UNC13A: variants seen among roughly 807,000 people sequenced by gnomAD.
The protein encoded by UNC13A is unc-13 homolog A.
A neutral mutation model predicts 219.7 loss-of-function variants in UNC13A; 61 were observed. The observed-to-expected ratio is 0.28, with a 90% CI of 0.23 to 0.34. The LOEUF is 0.34. UNC13A is among the 10% of genes least tolerant of loss of function. UNC13A has a pLI of 1.00. For synonymous variants in UNC13A, 920 were observed against 884.6 expected, an observed-to-expected ratio of 1.04 and a Z score of -0.71; for missense variants, 1,476 against 2,270.3, an observed-to-expected ratio of 0.65 and a Z score of 7.11.
intron 7 of UNC13A, among the ~76,000 whole-genome samples, chr19:17,666,203 T>TTCTC (rs1568267762): frequency 4.0e-3 from 37 of 9,298 alleles, no homozygotes; most frequent in African/African-American, 0.035. Context: ...CTCTCTTTCT[T>TTCTC]TCTCTTTCTT....
intron 37 of UNC13A, 145 bp downstream of exon 37, chr19:17,621,687 G>A: frequency 5.4e-6 from 4 of 739,120 alleles, no homozygotes; most frequent in Non-Finnish European, 9.4e-6. Context: ...TCTGACTTCT[G>A]GTTTTGCAGG....
chr19:17,667,053 A>G lies in UNC13A; in HGVS notation c.469-349T>C, dbSNP rs567193480. On this transcript the variant is annotated intron_variant, in intron 6 of 43. Transcript: ENST00000519716. The stretch of plus-strand genomic sequence containing the variant: ...CAGATCACGAGGTCAAGAGATCGAG[A>G]CCATCCTAGCTAAACGGTGAAACCC... 1.9e-4 allele frequency among the ~76,000 whole-genome samples: 29 copies of G among 152,254 alleles called. No individual in the cohort carries two copies. In the East Asian group the frequency reaches 5.6e-3, roughly 29 times the overall value.
rs550740166 is a variant in UNC13A at position 17,663,590 on chromosome 19, T to C, written c.524-23A>G. On this transcript the variant is annotated intron_variant, in intron 7 of 43. Coordinates refer to ENST00000519716, the MANE Select transcript of UNC13A (RefSeq NM_001080421.3). The stretch of plus-strand genomic sequence containing the variant: ...TGCCTACAAAGAGAAGGGGCAGAAA[T>C]AATAAAAGGGAGCAGACAGAGGGGT... 9 of 1,602,706 alleles carry C rather than the reference T, an allele frequency of 5.6e-6. No homozygotes were observed. The East Asian group carries it at 9.0e-5, about 16-fold the overall frequency.
intron 1 of UNC13A, among the ~76,000 whole-genome samples, chr19:17,678,950 T>C (rs973136214): frequency 1.6e-4 from 24 of 151,076 alleles, no homozygotes; most frequent in African/African-American, 5.6e-4. Flanking sequence ...TGGAGAGAAA[T>C]AGAGAGACAC....
At chr19:17,681,898 A>C (rs1310099852) in intron 1 of UNC13A, among the ~76,000 whole-genome samples, 1 of 152,008 alleles carries the variant, frequency 6.6e-6, no homozygotes, top group Non-Finnish European at 1.5e-5. Flanking sequence ...TCCTGCACTC[A>C]GAACCGCCTT....
chr19:17,601,902 C>T lies in UNC13A; in HGVS notation c.*4152G>A, dbSNP rs3746199. The T allele has an allele frequency of 0.098, 14,896 of 152,590 alleles. 772 individuals are homozygous for T. Among genetic ancestry groups the T allele is most frequent in the South Asian group, 0.15 (720 of 4,816 alleles). 9.5% of individuals were successfully genotyped at this position (152,590 alleles called of 1,614,324 possible). ...TTAGGAAAGGATTCTGGGGAGCAGA[C>T]GGGGTTGTGATCCGGGACTAAGGCC... On this transcript the variant is annotated 3_prime_UTR_variant, in exon 44 of 44. Coordinates refer to ENST00000519716, the MANE Select transcript of UNC13A (RefSeq NM_001080421.3).
chr19:17,646,204 G>C, intron 17 of UNC13A, 93 bp from the exon 18 acceptor site: 2 of 1,534,850 alleles, frequency 1.3e-6, no homozygotes, highest in Non-Finnish European at 1.8e-6. Context: ...TGATAATTGG[G>C]ACACCTGCAG....
At chr19:17,640,817 C>A (rs1342203195) in intron 21 of UNC13A, among the ~76,000 whole-genome samples, 156 bp from the exon 22 acceptor site, 1 of 152,026 alleles carries the variant, frequency 6.6e-6, no homozygotes, top group East Asian at 1.9e-4. Context: ...TCCGCATCTC[C>A]TCTCCCCTCC....
In UNC13A at chr19:17,632,893, C is replaced by T. The variant is rs568021947; in HGVS notation, c.3317G>A (p.Arg1106His). The T allele has an allele frequency of 1.6e-5, 26 of 1,613,958 alleles. 1 individual carries two copies. Among genetic ancestry groups the T allele is most frequent in the South Asian group, 1.5e-4 (14 of 91,082 alleles). The change falls in exon 28 of 44, where the codon CGT becomes CAT. Residue 1106 changes from arginine to histidine, a missense_variant. Physicochemically the swap from Arg to His is conservative, Grantham distance 29. Transcript: ENST00000519716. The part of the protein sequence containing the change: ...KYAMEEHDKH[R>H]LCKSADYMNL... ...CATGTAGTCGGCACTCTTGCATAGA[C>T]GATGCTTGTCGTGCTCTGGCCAGGG...
intron 5 of UNC13A, among the ~76,000 whole-genome samples, chr19:17,669,256 C>T (rs750220934): frequency 5.3e-5 from 8 of 152,180 alleles, no homozygotes; most frequent in Non-Finnish European, 8.8e-5. Flanking sequence ...TTCACTGTTG[C>T]AGTCTCAGGC....
intron 1 of UNC13A, among the ~76,000 whole-genome samples, chr19:17,685,569 C>T (rs774115251): frequency 6.6e-6 from 1 of 152,178 alleles, no homozygotes; most frequent in Non-Finnish European, 1.5e-5. Flanking sequence ...CATCTATATG[C>T]GTGCTGGCAG....
At chr19:17,645,949 G>C (rs1469535055) in intron 18 of UNC13A, 21 bp downstream of exon 18, 1 of 1,608,754 alleles carries the variant, frequency 6.2e-7, no homozygotes, top group Non-Finnish European at 8.5e-7. Flanking sequence ...CATGGGGCCA[G>C]GGACCCAGCC....
intron 1 of UNC13A, among the ~76,000 whole-genome samples, chr19:17,684,010 C>T (rs1268455211): frequency 1.3e-5 from 2 of 152,156 alleles, no homozygotes; most frequent in African/African-American, 2.4e-5. Context: ...GCAGGAGGAT[C>T]ACTTGAGCCC....
At chr19:17,669,433 C>G (rs1183285962) in intron 5 of UNC13A, 120 bp downstream of exon 5, 1 of 1,379,692 alleles carries the variant, frequency 7.2e-7, no homozygotes, top group Non-Finnish European at 9.7e-7. Context: ...GCGAAGGACC[C>G]TCATTCTCAG....
chr19:17,648,023 C>T (rs542854390), intron 16 of UNC13A, among the ~76,000 whole-genome samples: 5 of 125,446 alleles, frequency 4.0e-5, no homozygotes, highest in African/African-American at 1.2e-4. Flanking sequence ...CCCTTCCAAT[C>T]CCCCCCTCCA....
intron 19 of UNC13A, 73 bp from the exon 20 acceptor site, chr19:17,643,033 G>A: frequency 7.9e-7 from 1 of 1,259,628 alleles, no homozygotes; most frequent in South Asian, 1.4e-5. Context: ...TTTTTTAAGA[G>A]GGAGTCTTGC....
intron 20 of UNC13A, among the ~76,000 whole-genome samples, chr19:17,642,571 C>T (rs1012140864): frequency 6.6e-6 from 1 of 152,150 alleles, no homozygotes; most frequent in African/African-American, 2.4e-5. Context: ...ACACAAACGG[C>T]CCAATCCTGA....
chr19:17,656,587 C>T lies in UNC13A; in HGVS notation c.768-189G>A, dbSNP rs140314838. 5.3e-4 allele frequency among the ~76,000 whole-genome samples: 80 copies of T among 152,268 alleles called. 1 individual carries two copies. The East Asian group carries it at 0.013, about 25-fold the overall frequency. On this transcript the variant is annotated intron_variant, in intron 9 of 43. Transcript: ENST00000519716. The stretch of plus-strand genomic sequence containing the variant: ...CCGCTTTTGGCCAGGTGCGGTGGCT[C>T]ACGCCTGTAATCCCAGCACTTTGGG...
rs140081022 is a variant in UNC13A at position 17,655,548 on chromosome 19, C to T, written c.1284-166G>A. 1.4e-4 allele frequency among the ~76,000 whole-genome samples: 22 copies of T among 152,256 alleles called. 1 individual carries two copies. Among genetic ancestry groups the T allele is most frequent in the African/African-American group, 5.1e-4 (21 of 41,540 alleles). On this transcript the variant is annotated intron_variant, in intron 10 of 43. Coordinates refer to ENST00000519716, the MANE Select transcript of UNC13A (RefSeq NM_001080421.3). Reference sequence around the variant, plus strand: ...CCTGGCCCACCTCAGTGCCCCTCACCCCTTCCCACACACCCAATGCTTCTG... The same window carrying T: ...CCTGGCCCACCTCAGTGCCCCTCACTCCTTCCCACACACCCAATGCTTCTG...
Sources: gnomAD v4.1 joint callset for allele counts (sites outside exome capture counted in the v4.1 genomes callset) on GRCh38, gnomAD v4.1.1 for gene constraint, MANE v1.5 for transcripts, NCBI Gene and HGNC (gene_info 2026-07-23, HGNC 2026-07-21) for gene names.